The following ATP2B4 variants were observed in gnomAD, a reference collection of about 807,000 sequenced individuals.
ATP2B4 encodes ATPase plasma membrane Ca2+ transporting 4.
A neutral mutation model predicts 110.3 loss-of-function variants in ATP2B4; 39 were observed. The observed-to-expected ratio is 0.35, with a 90% CI of 0.27 to 0.46. ATP2B4 has a LOEUF of 0.46. ATP2B4 is among the 20% of genes least tolerant of loss of function. The pLI, the probability that ATP2B4 is intolerant of heterozygous loss-of-function variation, is 1.00. For synonymous variants in ATP2B4, 538 were observed against 571.7 expected (o/e 0.94, Z 0.84); for missense variants, 1,135 against 1,530.9 (o/e 0.74, Z 4.32).
At chr1:203,708,210 C>G (rs1665906217) in intron 10 of ATP2B4, 106 bp downstream of exon 10, 2 of 1,475,834 alleles carry the variant, frequency 1.4e-6, no homozygotes, top group Non-Finnish European at 1.9e-6. Flanking sequence ...AATTGCCATC[C>G]CACATCCCAT....
chr1:203,686,048 C>T (rs1359953155), intron 2 of ATP2B4, among the ~76,000 whole-genome samples: 5 of 151,310 alleles, frequency 3.3e-5, no homozygotes, highest in African/African-American at 1.2e-4. Flanking sequence ...TATCTAATTG[C>T]TTTCATGTGG....
chr1:203,717,065 G>T (rs1666176418), intron 15 of ATP2B4, among the ~76,000 whole-genome samples: 1 of 146,154 alleles, frequency 6.8e-6, no homozygotes, highest in South Asian at 2.3e-4. Context: ...GGGCATGATG[G>T]CGGGCGCCTG....
In ATP2B4 at chr1:203,629,972, C is replaced by T. The variant is rs1421859113; in HGVS notation, c.-465+2753C>T. Among the ~76,000 whole-genome samples the T allele has an allele frequency of 6.6e-6, 1 of 152,198 alleles. No homozygotes were observed. The highest frequency in any genetic ancestry group is 1.5e-5 in the Non-Finnish European group (1 of 68,038). On this transcript the variant is annotated intron_variant, in intron 1 of 20. Coordinates refer to ENST00000357681, the MANE Select transcript of ATP2B4 (RefSeq NM_001684.5). The surrounding 1 kb of genome is among the most constrained non-coding windows in gnomAD (Gnocchi z 4.6). ...AGTTCCTAACCCGCCGTCTGGCCTC[C>T]AGTTTCCCCTCTGCACAATGGAAAG... is the stretch of plus-strand genomic sequence containing the variant.
chr1:203,672,982 G>C (rs1333889326), intron 1 of ATP2B4, among the ~76,000 whole-genome samples: 3 of 152,182 alleles, frequency 2.0e-5, no homozygotes, highest in Non-Finnish European at 4.4e-5. Context: ...GGGAAAGGGG[G>C]CTGCCCAGAG....
intron 1 of ATP2B4, among the ~76,000 whole-genome samples, chr1:203,659,193 A>C (rs1664258917): frequency 6.6e-6 from 1 of 152,186 alleles, no homozygotes; most frequent in Non-Finnish European, 1.5e-5. Context: ...ATGAAAAGGA[A>C]ACACAAATGA....
intron 1 of ATP2B4, among the ~76,000 whole-genome samples, chr1:203,667,226 A>G (rs1233338147): frequency 6.6e-6 from 1 of 152,234 alleles, no homozygotes; most frequent in Non-Finnish European, 1.5e-5. Context: ...TGCAGGGATT[A>G]CAGGTGTGAA....
chr1:203,650,002 G>T (rs1336366098), intron 1 of ATP2B4, among the ~76,000 whole-genome samples: 1 of 152,208 alleles, frequency 6.6e-6, no homozygotes, highest in Non-Finnish European at 1.5e-5. Context: ...TGTAGACGCT[G>T]TAATAGCCTG....
At chr1:203,644,762 A>G (rs908607982) in intron 1 of ATP2B4, among the ~76,000 whole-genome samples, 2 of 150,460 alleles carry the variant, frequency 1.3e-5, no homozygotes, top group Admixed American at 6.6e-5. Flanking sequence ...AGTTGAAACA[A>G]TGGCCAGTTC....
chr1:203,737,434 G>T (rs1213075079), intron 20 of ATP2B4, among the ~76,000 whole-genome samples: 3 of 152,326 alleles, frequency 2.0e-5, no homozygotes, highest in African/African-American at 7.2e-5. Context: ...GATGGAGTGG[G>T]ATGACTTTGG....
intron 2 of ATP2B4, among the ~76,000 whole-genome samples, chr1:203,697,953 C>T (rs1313756312): frequency 6.6e-6 from 1 of 152,038 alleles, no homozygotes. Context: ...AATTCACCCA[C>T]CTTGGCCTCC....
intron 11 of ATP2B4, 46 bp from the exon 12 acceptor site, chr1:203,710,831 T>G: frequency 7.1e-7 from 1 of 1,413,518 alleles, no homozygotes; most frequent in Non-Finnish European, 9.9e-7. Flanking sequence ...TAGAAACGTA[T>G]TGAGTGGGAA....
At chr1:203,675,633 T>G (rs1029482579) in intron 1 of ATP2B4, among the ~76,000 whole-genome samples, 1 of 152,136 alleles carries the variant, frequency 6.6e-6, no homozygotes, top group Non-Finnish European at 1.5e-5. Flanking sequence ...TCCGATTAGA[T>G]GCTTTGACTC....
At chr1:203,678,211 A>G (rs1313883244) in intron 1 of ATP2B4, among the ~76,000 whole-genome samples, 1 of 152,194 alleles carries the variant, frequency 6.6e-6, no homozygotes, top group Non-Finnish European at 1.5e-5. Flanking sequence ...ACCCTACTCT[A>G]TAACCTATAC....
At chr1:203,729,182 A>T (rs2102228785) in intron 20 of ATP2B4, among the ~76,000 whole-genome samples, 1 of 152,280 alleles carries the variant, frequency 6.6e-6, no homozygotes, top group African/African-American at 2.4e-5. Context: ...TAGGAGAGAT[A>T]GATGGAGTGA....
At chr1:203,632,851 G>T (rs915248202) in intron 1 of ATP2B4, among the ~76,000 whole-genome samples, 2 of 152,144 alleles carry the variant, frequency 1.3e-5, no homozygotes, top group African/African-American at 2.4e-5. Context: ...GGAAATCAGG[G>T]TCTCACTATG....
chr1:203,704,436 A>T (rs1365984768), intron 8 of ATP2B4, among the ~76,000 whole-genome samples: 1 of 137,560 alleles, frequency 7.3e-6, no homozygotes, highest in East Asian at 2.2e-4. Flanking sequence ...GAAGATTGCT[A>T]CTTTAGTGGA....
chr1:203,699,774 G>A (rs774838060), intron 4 of ATP2B4, 57 bp downstream of exon 4: 10 of 1,594,428 alleles, frequency 6.3e-6, no homozygotes, highest in South Asian at 1.1e-5. Flanking sequence ...TAAGGGATAG[G>A]TCCTTTGGCA....
chr1:203,734,742 C>T (rs978270345), intron 20 of ATP2B4, among the ~76,000 whole-genome samples: 7 of 150,326 alleles, frequency 4.7e-5, no homozygotes, highest in South Asian at 2.1e-4. Flanking sequence ...CAGTGGTTCA[C>T]GCCTATAATC....
chr1:203,680,917 C>T (rs1664994148), intron 1 of ATP2B4, among the ~76,000 whole-genome samples: 1 of 152,198 alleles, frequency 6.6e-6, no homozygotes, highest in Non-Finnish European at 1.5e-5. Flanking sequence ...TTGTTCCCAA[C>T]ATCCTCTTGA....
Sources: gnomAD v4.1 joint callset for allele counts (sites outside exome capture counted in the v4.1 genomes callset) on GRCh38, gnomAD v4.1.1 for gene constraint, Gnocchi (gnomAD v3.1) non-coding constraint, MANE v1.5 for transcripts, NCBI Gene and HGNC (gene_info 2026-07-23, HGNC 2026-07-21) for gene names.